The following SPATA13 variants were observed in gnomAD, a reference collection of about 807,000 sequenced individuals.
SPATA13 encodes spermatogenesis associated 13, also known as spermatogenesis-associated protein 13.
A neutral mutation model predicts 104.0 loss-of-function variants in SPATA13; 50 were observed. The ratio of observed to expected loss-of-function variants is 0.48; its 90% CI spans 0.38 to 0.61. SPATA13 has a LOEUF of 0.61. Ranked by LOEUF, SPATA13 falls within the 20% of genes least tolerant of loss-of-function variation. SPATA13 has a pLI of 0.00. For synonymous variants in SPATA13, 606 were observed against 667.5 expected, an observed-to-expected ratio of 0.91 and a Z score of 1.42; for missense variants, 1,524 against 1,690.6, an observed-to-expected ratio of 0.90 and a Z score of 1.73.
chr13:24,279,637 G>A (rs1477628700), intron 4 of SPATA13, among the ~76,000 whole-genome samples: 3 of 152,226 alleles, frequency 2.0e-5, no homozygotes, highest in Non-Finnish European at 2.9e-5. Flanking sequence ...TGAGTGGGTC[G>A]TGGGATGTGA....
At chr13:24,104,316 A>G (rs1308127008) in intron 3 of SPATA13, among the ~76,000 whole-genome samples, 3 of 152,004 alleles carry the variant, frequency 2.0e-5, no homozygotes, top group African/African-American at 7.3e-5. Context: ...CTTCATCTTA[A>G]TTTAAAGGGA....
chr13:24,269,769 A>C (rs1365728738), intron 4 of SPATA13, among the ~76,000 whole-genome samples: 1 of 25,828 alleles, frequency 3.9e-5, no homozygotes, highest in Non-Finnish European at 1.2e-4. Flanking sequence ...TTTTTTTTTT[A>C]GTAGAGACAG....
chr13:24,103,484 C>CAAAA (rs34983901), intron 3 of SPATA13, among the ~76,000 whole-genome samples: 856 of 69,798 alleles, frequency 0.012, 33 homozygotes, highest in African/African-American at 0.056. Context: ...GACCCTGTCT[C>CAAAA]AAAAAAAAAA....
intron 3 of SPATA13, among the ~76,000 whole-genome samples, chr13:24,150,024 C>G (rs1247759418): frequency 6.6e-6 from 1 of 152,018 alleles, no homozygotes; most frequent in East Asian, 1.9e-4. Context: ...AGTCGGGGGA[C>G]TGTCCCACAG....
intron 4 of SPATA13, 45 bp from the exon 5 acceptor site, chr13:24,284,090 G>T: frequency 1.3e-6 from 2 of 1,564,534 alleles, no homozygotes; most frequent in Non-Finnish European, 8.7e-7. Flanking sequence ...AAAAAATCTT[G>T]TTAGCTGTGT....
At chr13:24,191,776 C>T (rs1869775011) in intron 1 of SPATA13, among the ~76,000 whole-genome samples, 1 of 152,050 alleles carries the variant, frequency 6.6e-6, no homozygotes, top group African/African-American at 2.4e-5. Flanking sequence ...TCCCAAAGTG[C>T]TGGGATTACA....
chr13:24,294,177 C>G (rs147097022), intron 9 of SPATA13, among the ~76,000 whole-genome samples: 1 of 152,280 alleles, frequency 6.6e-6, no homozygotes, highest in East Asian at 1.9e-4. Context: ...CTTGACGTGA[C>G]TGTGGTGGAC....
At chr13:24,254,031 G>A (rs530289155) in intron 4 of SPATA13, among the ~76,000 whole-genome samples, 31 of 152,216 alleles carry the variant, frequency 2.0e-4, no homozygotes, top group South Asian at 6.2e-4. Context: ...CAGTTTGTGG[G>A]GGGAAAGGAA....
chr13:24,022,763 T>C (rs1203747295), intron 3 of SPATA13, among the ~76,000 whole-genome samples: 2 of 152,162 alleles, frequency 1.3e-5, no homozygotes, highest in Non-Finnish European at 2.9e-5. Context: ...CCATGTTGTT[T>C]TCACTGATGA....
At position 24,086,627 on chromosome 13, in the gene SPATA13, A is replaced by G. The variant is rs1173144632; in HGVS notation, c.-112+68926A>G. ...AAGGATGAGTTCAAGGGCAGGACCC[A>G]TAGCTGGGAATGCCACAGAAGACAC... On this transcript the variant is annotated intron_variant, in intron 3 of 14. Coordinates refer to the SPATA13 transcript ENST00000424834. Among the ~76,000 whole-genome samples the G allele has an allele frequency of 2.0e-5, 3 of 152,234 alleles. No individual in the cohort carries two copies. In the East Asian group the frequency reaches 5.8e-4, roughly 29 times the overall value.
chr13:24,094,706 C>G (rs757094559), intron 3 of SPATA13, among the ~76,000 whole-genome samples: 1 of 152,144 alleles, frequency 6.6e-6, no homozygotes, highest in Non-Finnish European at 1.5e-5. Flanking sequence ...TTACAGTAAA[C>G]TATGATCATA....
chr13:24,181,985 C>T (rs1207248690), intron 1 of SPATA13, among the ~76,000 whole-genome samples: 2 of 152,152 alleles, frequency 1.3e-5, no homozygotes, highest in Non-Finnish European at 2.9e-5. Context: ...TGTGGTGGCA[C>T]TCTCCTAAAA....
intron 1 of SPATA13, among the ~76,000 whole-genome samples, chr13:23,982,339 T>A (rs760947880): frequency 2.6e-5 from 4 of 152,196 alleles, no homozygotes; most frequent in Non-Finnish European, 5.9e-5. Context: ...ATAAGCTATT[T>A]TACTGTTAAA....
At chr13:24,019,139 A>T (rs564545486) in intron 3 of SPATA13, among the ~76,000 whole-genome samples, 9 of 145,072 alleles carry the variant, frequency 6.2e-5, no homozygotes, top group South Asian at 2.2e-4. Flanking sequence ...CCCAGGCTGG[A>T]GTGCAGTGGC....
chr13:24,092,680 G>A (rs887684246), intron 3 of SPATA13, among the ~76,000 whole-genome samples: 2 of 152,106 alleles, frequency 1.3e-5, no homozygotes, highest in Admixed American at 6.6e-5. Context: ...AAAACATATT[G>A]TACTATTGAT....
rs112334197 is a variant in SPATA13 at position 24,001,126 on chromosome 13, C to T, written c.-146-16541C>T. 7.9e-3 allele frequency among the ~76,000 whole-genome samples: 1,199 copies of T among 152,254 alleles called. 22 individuals carry two copies. The highest frequency in any genetic ancestry group is 0.027 in the African/African-American group (1,113 of 41,522). ...CAGGCTGGCCGAGTGGCCTCTTCTACTCTCACCCCCTACTCTCTCCAGGTA... is the reference window on the plus strand; with the variant it reads ...CAGGCTGGCCGAGTGGCCTCTTCTATTCTCACCCCCTACTCTCTCCAGGTA... On this transcript the variant is annotated intron_variant, in intron 2 of 14. Coordinates refer to the SPATA13 transcript ENST00000424834.
intron 4 of SPATA13, among the ~76,000 whole-genome samples, chr13:24,276,781 C>T (rs1397340350): frequency 1.3e-5 from 2 of 152,172 alleles, no homozygotes; most frequent in African/African-American, 4.8e-5. Flanking sequence ...TCATTATTAA[C>T]TTTCATCTGT....
chr13:24,077,932 T>C (rs918410547), intron 3 of SPATA13, among the ~76,000 whole-genome samples: 1 of 152,160 alleles, frequency 6.6e-6, no homozygotes, highest in Non-Finnish European at 1.5e-5. Context: ...TTGCAGGCCC[T>C]GTCCCACCCC....
intron 3 of SPATA13, among the ~76,000 whole-genome samples, chr13:24,089,433 T>C (rs1171881887): frequency 6.6e-6 from 1 of 152,112 alleles, no homozygotes; most frequent in Admixed American, 6.5e-5. Flanking sequence ...ACAAGATTGG[T>C]CTATTATTGT....
Sources: allele counts gnomAD v4.1 joint callset (sites outside exome capture counted in the v4.1 genomes callset), GRCh38; gene constraint gnomAD v4.1.1; transcripts MANE v1.5; gene names NCBI Gene and HGNC (gene_info 2026-07-23, HGNC 2026-07-21).